FER: variants seen among roughly 807,000 people sequenced by gnomAD.
FER encodes the protein FER tyrosine kinase, also known as tyrosine-protein kinase Fer.
FER carries 63 observed loss-of-function variants against 111.0 expected under a neutral mutation model. The ratio of observed to expected loss-of-function variants is 0.57; its 90% confidence interval spans 0.46 to 0.70. The LOEUF (loss-of-function observed/expected upper bound fraction) is 0.70, where lower values mean the gene tolerates loss of function less well. Among genes scored for constraint, FER ranks in the 30% least tolerant of loss-of-function variants. The pLI is 0.00. For missense variants in FER, 914 were observed against 954.0 expected (o/e 0.96, Z 0.55); for synonymous variants, 327 against 313.9 (o/e 1.04, Z -0.44).
chr5:108,833,378 A>G (rs1760247353), intron 4 of FER, among the ~76,000 whole-genome samples: 1 of 152,076 alleles, frequency 6.6e-6, no homozygotes, highest in Non-Finnish European at 1.5e-5. Flanking sequence ...CTTTTTTCAA[A>G]TTATTTTTAT....
rs372268997 is a variant in FER, at chr5:109,000,599, G to A, written c.1657-36823G>A. Among the ~76,000 whole-genome samples the A allele has an allele frequency of 7.4e-4, 113 of 151,950 alleles. 2 individuals carry two copies. In the East Asian group the frequency reaches 0.02, roughly 27 times the overall value. ...TAACATCACAATTAAAAGAACTAGA[G>A]AAGCAAGAGCAAACACATTCAAAAG... On this transcript the variant is annotated intron_variant, in intron 13 of 19. Transcript: ENST00000281092.
At chr5:108,748,743 C>G (rs1305369934) in intron 1 of FER, 5 of 152,328 alleles carry the variant, frequency 3.3e-5, no homozygotes, top group Non-Finnish European at 7.3e-5. Context: ...CCTGCCCCTT[C>G]GGGGACCGGG....
intron 13 of FER, among the ~76,000 whole-genome samples, chr5:108,987,087 G>A (rs1294245343): frequency 1.8e-4 from 28 of 152,046 alleles, no homozygotes; most frequent in Admixed American, 1.8e-3. Context: ...AGCTTGAGAT[G>A]TGTTTCCATT....
chr5:108,959,202 C>A, intron 12 of FER, 23 bp from the exon 13 acceptor site: 2 of 1,595,430 alleles, frequency 1.3e-6, no homozygotes, highest in Non-Finnish European at 8.5e-7. Context: ...CACATTTATT[C>A]TACCTTATTG....
intron 16 of FER, among the ~76,000 whole-genome samples, chr5:109,047,767 C>T (rs958380744): frequency 6.6e-6 from 1 of 152,088 alleles, no homozygotes; most frequent in Admixed American, 6.6e-5. Context: ...ATATAATAAT[C>T]TCACAATGCT....
chr5:108,758,720 G>A (rs1751392403), intron 1 of FER, among the ~76,000 whole-genome samples: 1 of 152,116 alleles, frequency 6.6e-6, no homozygotes, highest in African/African-American at 2.4e-5. Flanking sequence ...GCTAATTACT[G>A]GAACTAGGAA....
chr5:108,915,284 C>T (rs1752115580), intron 10 of FER, among the ~76,000 whole-genome samples: 1 of 152,032 alleles, frequency 6.6e-6, no homozygotes, highest in Non-Finnish European at 1.5e-5. Context: ...ACCAGCCTGG[C>T]CAATGTGGTG....
intron 17 of FER, among the ~76,000 whole-genome samples, chr5:109,137,262 G>A (rs1030310977): frequency 6.6e-6 from 1 of 152,034 alleles, no homozygotes; most frequent in African/African-American, 2.4e-5. Context: ...GTTTCCAGAA[G>A]AAAAAAGGAT....
At chr5:109,089,961 G>A (rs189800801) in intron 16 of FER, among the ~76,000 whole-genome samples, 2 of 152,284 alleles carry the variant, frequency 1.3e-5, no homozygotes, top group African/African-American at 4.8e-5. Context: ...AGTCTGGCTT[G>A]GCTTAGTGCC....
chr5:109,048,677 G>A (rs938079817), intron 16 of FER, among the ~76,000 whole-genome samples: 3 of 151,990 alleles, frequency 2.0e-5, no homozygotes, highest in African/African-American at 7.2e-5. Flanking sequence ...TATAATAAAA[G>A]GTAGAAAATT....
chr5:108,955,231 A>G (rs1581381842), intron 12 of FER, among the ~76,000 whole-genome samples: 1 of 151,888 alleles, frequency 6.6e-6, no homozygotes, highest in Admixed American at 6.6e-5. Context: ...AAAACTAAAA[A>G]CAATGTGATT....
rs574906253 is a variant in FER at position 109,148,595 on chromosome 5, A to G, written c.2049-32152A>G. On this transcript the variant is annotated intron_variant, in intron 17 of 19. Transcript: ENST00000281092. ...TGTGGGACACTGGGATACTATTTTC[A>G]TTCTGTTTAAGAGTATAAGAAAGTA... Among the ~76,000 whole-genome samples the G allele has an allele frequency of 2.0e-5, 3 of 152,308 alleles. No individual in the cohort carries two copies. In the East Asian group the frequency reaches 5.8e-4, roughly 29 times the overall value.
intron 10 of FER, among the ~76,000 whole-genome samples, chr5:108,912,479 A>G (rs180926301): frequency 6.6e-6 from 1 of 152,304 alleles, no homozygotes; most frequent in East Asian, 1.9e-4. Flanking sequence ...CTCATGCCTC[A>G]GCCTCTCAAG....
At chr5:108,924,191 T>C (rs1235519686) in intron 10 of FER, among the ~76,000 whole-genome samples, 1 of 151,818 alleles carries the variant, frequency 6.6e-6, no homozygotes, top group Non-Finnish European at 1.5e-5. Flanking sequence ...ACCCCGTCTC[T>C]ACTAAAAATA....
intron 3 of FER, among the ~76,000 whole-genome samples, chr5:108,828,414 A>G (rs1271960524): frequency 6.6e-6 from 1 of 152,148 alleles, no homozygotes; most frequent in Non-Finnish European, 1.5e-5. Flanking sequence ...AAAAGGTACT[A>G]ACACTTCTTT....
At chr5:108,868,212 T>G (rs1011780618) in intron 6 of FER, among the ~76,000 whole-genome samples, 1 of 152,048 alleles carries the variant, frequency 6.6e-6, no homozygotes, top group African/African-American at 2.4e-5. Flanking sequence ...AATGAAAAAA[T>G]TATAAGTTGA....
intron 16 of FER, among the ~76,000 whole-genome samples, chr5:109,053,942 C>T (rs569873468): frequency 9.2e-5 from 14 of 152,170 alleles, no homozygotes; most frequent in African/African-American, 3.1e-4. Context: ...CCGCCCGCCT[C>T]GGCCTCCCAA....
At position 109,184,454 on chromosome 5, in the gene FER, A is replaced by G. The variant is rs142961893; in HGVS notation, c.2204-1746A>G. On this transcript the variant is annotated intron_variant, in intron 18 of 19. Coordinates refer to ENST00000281092, the MANE Select transcript of FER (RefSeq NM_005246.4). ...TCTGTTAAAATTACCCAACAAAACC[A>G]GGTTCAAAGATCCAGGTTTCAGAGC... Among the ~76,000 whole-genome samples, 800 of 152,336 alleles carry G rather than the reference A, an allele frequency of 5.3e-3. 6 individuals carry two copies. Among genetic ancestry groups the G allele is most frequent in the African/African-American group, 0.019 (775 of 41,590 alleles).
At chr5:108,810,974 T>C (rs1757696955) in intron 3 of FER, among the ~76,000 whole-genome samples, 1 of 151,982 alleles carries the variant, frequency 6.6e-6, no homozygotes, top group South Asian at 2.1e-4. Context: ...TATTGCCCCA[T>C]GATCTATGCA....
Sources: gnomAD v4.1 joint callset for allele counts (sites outside exome capture counted in the v4.1 genomes callset) on GRCh38, gnomAD v4.1.1 for gene constraint, MANE v1.5 for transcripts, NCBI Gene and HGNC (gene_info 2026-07-23, HGNC 2026-07-21) for gene names.